The following CACTIN variants were observed in gnomAD, a reference collection of about 807,000 sequenced individuals.
CACTIN encodes the protein cactin, spliceosome C complex subunit, also known as splicing factor Cactin.
Under a neutral mutation model 84.9 loss-of-function variants are expected in CACTIN, and 20 were observed. The observed-to-expected ratio is 0.24, with a 90% CI of 0.17 to 0.34. The LOEUF is 0.34. Among genes scored for constraint, CACTIN ranks in the 10% least tolerant of loss-of-function variants. CACTIN has a pLI of 1.00. For synonymous variants in CACTIN, 549 were observed against 467.9 expected (o/e 1.17, Z -2.24); for missense variants, 897 against 1,117.2 (o/e 0.80, Z 2.81).
chr19:3,626,582 C>CG lies in CACTIN; in HGVS notation c.167+13dup. The CG allele has an allele frequency of 7.0e-7, 1 of 1,431,728 alleles. No homozygotes were observed. The highest frequency in any genetic ancestry group is 9.1e-7 in the Non-Finnish European group (1 of 1,095,478). 88.7% of individuals were successfully genotyped at this position (1,431,728 alleles called of 1,614,324 possible). ...GGAGCCGGATCCCCAGCGCTGCTCC[C>CG]GCAGCGACCCCACCTGCGCTCCCGG... is the stretch of plus-strand genomic sequence containing the variant. On this transcript the variant is annotated intron_variant, in intron 1 of 9. Transcript: ENST00000429344.
In CACTIN at chr19:3,620,201, G is replaced by C; in HGVS notation, c.810C>G (p.Arg270=). 1 of 1,609,630 alleles carries C rather than the reference G, an allele frequency of 6.2e-7. No individual in the cohort carries two copies. The highest frequency in any genetic ancestry group is 8.5e-7 in the Non-Finnish European group (1 of 1,179,238). The change falls in exon 4 of 10, where the codon CGC becomes CGG. Residue 270 remains arginine, a synonymous_variant. Coordinates refer to ENST00000429344, the MANE Select transcript of CACTIN (RefSeq NM_001080543.2). ...MREQELEMLQ[R]EKEAEHFKTW... is the part of the protein sequence containing the mutation. ...TCTTGAAGTGCTCTGCCTCCTTCTCGCGCTGCAGCATCTCCAGCTCCTGCT... is the reference window on the plus strand; with the variant it reads ...TCTTGAAGTGCTCTGCCTCCTTCTCCCGCTGCAGCATCTCCAGCTCCTGCT...
Position 3,626,662 on chromosome 19 carries a change from C to T in CACTIN, c.101G>A (p.Arg34Gln), listed in dbSNP as rs1455229675. 5 of 1,533,500 alleles carry T rather than the reference C, an allele frequency of 3.3e-6. No individual in the cohort carries two copies. The highest frequency in any genetic ancestry group is 4.4e-6 in the Non-Finnish European group (5 of 1,149,100). The allele number at this position is 1,533,500 out of a possible 1,614,324, so 95.0% of individuals were successfully genotyped here. The change falls in exon 1 of 10, where the codon CGG (arginine) becomes CAG (glutamine). Residue 34 changes from arginine (R) to glutamine (Q), a missense_variant. Around this residue, in one of 8 missense-constraint regions of CACTIN, gnomAD observed 261 missense variants for 243.8 expected, o/e 1.07. Transcript: ENST00000429344. ...GTCCTCCCGGCGCCGTCGGTTTCGC[C>T]GCCCATGGCTCCTGCTCCGACTTCG... is the stretch of plus-strand genomic sequence containing the variant. ...GSRSRSRSHG[R>Q]RNRRRREDEG...
In CACTIN at chr19:3,614,368, C is replaced by G. The variant is rs765382546; in HGVS notation, c.1355+29G>C. On this transcript the variant is annotated intron_variant, in intron 7 of 9. Coordinates refer to ENST00000429344, the MANE Select transcript of CACTIN (RefSeq NM_001080543.2). Reference sequence around the variant, plus strand: ...GAAACCCATCCCACCCGGACGGCACCAACCCTGGTACCCGCACCTAGTGCT... The same window carrying G: ...GAAACCCATCCCACCCGGACGGCACGAACCCTGGTACCCGCACCTAGTGCT... 6 of 1,553,352 alleles carry G rather than the reference C, an allele frequency of 3.9e-6. No homozygotes were observed. The African/African-American group carries it at 8.2e-5, about 21-fold the overall frequency.
In CACTIN at chr19:3,624,256, T is replaced by A. The variant is rs2033289884; in HGVS notation, c.168-94A>T. ...GTGCCCGTGGGGGAGCAGGCACTGT[T>A]CTAGGTTCTGGGGACACAGCAGTGA... On this transcript the variant is annotated intron_variant, in intron 1 of 9. Coordinates refer to ENST00000429344, the MANE Select transcript of CACTIN (RefSeq NM_001080543.2). 2.5e-6 allele frequency: 3 copies of A among 1,192,390 alleles called. No homozygotes were observed. In the South Asian group the frequency reaches 4.4e-5, roughly 17 times the overall value. 73.9% of individuals were successfully genotyped at this position (1,192,390 alleles called of 1,614,324 possible).
At chr19:3,624,401 G>A (rs946246620) in intron 1 of CACTIN, among the ~76,000 whole-genome samples, 1 of 152,360 alleles carries the variant, frequency 6.6e-6, no homozygotes, top group South Asian at 2.1e-4. Flanking sequence ...ACAAAGAGTA[G>A]CAATGCCGAG....
rs2033068700 is a variant in CACTIN at position 3,614,798 on chromosome 19, A to G, written c.1163-209T>C. ...AGGGGGTGGGCGGAGGTTGGGAGCC[A>G]CGTTAAGATGCAGTTGCTGAGGCCT... is the stretch of plus-strand genomic sequence containing the variant. On this transcript the variant is annotated intron_variant, in intron 6 of 9. Coordinates refer to ENST00000429344, the MANE Select transcript of CACTIN (RefSeq NM_001080543.2). 7 of 598,310 alleles carry G rather than the reference A, an allele frequency of 1.2e-5. No homozygotes were observed. In the East Asian group the frequency reaches 2.0e-4, roughly 17 times the overall value. 37.1% of individuals were successfully genotyped at this position (598,310 alleles called of 1,614,324 possible).
At position 3,613,266 on chromosome 19, in the gene CACTIN, G is replaced by T; in HGVS notation, c.1578C>A (p.Asp526Glu). Reference sequence around the variant, plus strand: ...CCTCGCCCTCACCGTCCCCGTCGCCGTCGCCCTCTGTCGGGGTCGCGCCGT... The same window carrying T: ...CCTCGCCCTCACCGTCCCCGTCGCCTTCGCCCTCTGTCGGGGTCGCGCCGT... ...EVDGATPTEG[D>E]GDGDGEGEGE... The change falls in exon 9 of 10, where the codon GAC becomes GAA. Residue 526 changes from aspartate to glutamate, a missense_variant. Coordinates refer to ENST00000429344, the MANE Select transcript of CACTIN (RefSeq NM_001080543.2). 1 of 1,607,854 alleles carries T rather than the reference G, an allele frequency of 6.2e-7. No homozygotes were observed. The highest frequency in any genetic ancestry group is 8.5e-7 in the Non-Finnish European group (1 of 1,178,698).
intron 6 of CACTIN, among the ~76,000 whole-genome samples, chr19:3,617,538 G>A (rs1232000149): frequency 6.6e-6 from 1 of 152,176 alleles, no homozygotes; most frequent in African/African-American, 2.4e-5. Flanking sequence ...GGGAGAGGCC[G>A]GGGCCTAGGG....
intron 7 of CACTIN, chr19:3,613,906 A>G: frequency 2.1e-6 from 1 of 468,436 alleles, no homozygotes; most frequent in Non-Finnish European, 3.8e-6. Flanking sequence ...AACAAGCATG[A>G]TAAATTTAGA....
At chr19:3,626,009 C>T (rs535920567) in intron 1 of CACTIN, among the ~76,000 whole-genome samples, 1 of 152,172 alleles carries the variant, frequency 6.6e-6, no homozygotes, top group Non-Finnish European at 1.5e-5. Context: ...TTTTTCCCTC[C>T]CACAGCCCAC....
rs761326904 is a variant in CACTIN, at chr19:3,613,388, G to A, written c.1479-23C>T. On this transcript the variant is annotated intron_variant, in intron 8 of 9. Transcript: ENST00000429344. ...AGGCTGGGAGGAGAGAGCGTTGGAG[G>A]CGCGGAGGCTGCCCACGGCCCCTCC... The A allele has an allele frequency of 3.3e-6, 5 of 1,531,300 alleles. No homozygotes were observed. The Admixed American group carries it at 9.8e-5, about 30-fold the overall frequency. 94.9% of individuals were successfully genotyped at this position (1,531,300 alleles called of 1,614,324 possible).
chr19:3,617,617 G>A (rs893857883), intron 6 of CACTIN, among the ~76,000 whole-genome samples: 3 of 151,530 alleles, frequency 2.0e-5, no homozygotes, highest in Non-Finnish European at 4.4e-5. Flanking sequence ...CGCTGGAAAC[G>A]CCTCCCAGTC....
chr19:3,625,048 G>A (rs763640284), intron 1 of CACTIN, among the ~76,000 whole-genome samples: 2 of 152,024 alleles, frequency 1.3e-5, no homozygotes, highest in African/African-American at 2.4e-5. Context: ...ACACCACCAC[G>A]CCCAGGTAAC....
rs1189330579 is a variant in CACTIN at position 3,614,510 on chromosome 19, C to T, written c.1242G>A (p.Leu414=). The T allele has an allele frequency of 6.2e-7, 1 of 1,607,616 alleles. No homozygotes were observed. Among genetic ancestry groups the T allele is most frequent in the Non-Finnish European group, 8.5e-7 (1 of 1,177,202 alleles). ...SVFKGKTYNQ[L]QVIFQGIEGK... is the part of the protein sequence containing the mutation. ...CCTCGATGCCCTGGAAGATGACCTG[C>T]AGCTGGTTGTATGTCTTCCCCTTGA... The change falls in exon 7 of 10, where the codon CTG becomes CTA. Residue 414 remains leucine (L), a synonymous_variant. Transcript: ENST00000429344.
chr19:3,626,265 AC>A (rs2033329626), intron 1 of CACTIN, among the ~76,000 whole-genome samples: 1 of 151,704 alleles, frequency 6.6e-6, no homozygotes, highest in Non-Finnish European at 1.5e-5. Context: ...TCCTCTCAAG[AC>A]TCTCCATTTC....
rs1181080140 is a variant in CACTIN at position 3,626,667 on chromosome 19, A to G, written c.96T>C (p.His32=). The change falls in exon 1 of 10, where the codon CAT becomes CAC. Residue 32 remains histidine, a synonymous_variant. Coordinates refer to ENST00000429344, the MANE Select transcript of CACTIN (RefSeq NM_001080543.2). ...CCCGGCGCCGTCGGTTTCGCCGCCCATGGCTCCTGCTCCGACTTCGGCTCC... is the reference window on the plus strand; with the variant it reads ...CCCGGCGCCGTCGGTTTCGCCGCCCGTGGCTCCTGCTCCGACTTCGGCTCC... The part of the protein sequence containing the change: ...QSGSRSRSRS[H]GRRNRRRRED... 1 of 1,533,562 alleles carries G rather than the reference A, an allele frequency of 6.5e-7. No homozygotes were observed. 95.0% of individuals were successfully genotyped at this position (1,533,562 alleles called of 1,614,324 possible).
intron 2 of CACTIN, among the ~76,000 whole-genome samples, chr19:3,621,213 C>T (rs1599892917): frequency 1.3e-5 from 2 of 152,362 alleles, no homozygotes; most frequent in East Asian, 3.9e-4. Flanking sequence ...AAGTCAGGGT[C>T]CCCCACTGCA....
chr19:3,614,993 G>T, intron 6 of CACTIN: 1 of 287,310 alleles, frequency 3.5e-6, no homozygotes. Context: ...GGGTTGGGGG[G>T]TGTGCTCGGT....
chr19:3,625,970 C>T (rs1199110457), intron 1 of CACTIN, among the ~76,000 whole-genome samples: 2 of 152,230 alleles, frequency 1.3e-5, no homozygotes, highest in African/African-American at 4.8e-5. Context: ...TAGGAATCAG[C>T]TGTGAGTCCT....
Sources: gnomAD v4.1 joint callset for allele counts (sites outside exome capture counted in the v4.1 genomes callset) on GRCh38, gnomAD v4.1.1 for gene constraint, gnomAD v4.1.1 regional missense constraint, MANE v1.5 for transcripts, NCBI Gene and HGNC (gene_info 2026-07-23, HGNC 2026-07-21) for gene names.